The following STK10 variants were observed in gnomAD, a reference collection of about 807,000 sequenced individuals.
STK10 encodes serine/threonine-protein kinase 10.
A neutral mutation model predicts 113.8 loss-of-function variants in STK10; 78 were observed. The ratio of observed to expected loss-of-function variants is 0.69; its 90% confidence interval spans 0.57 to 0.83. STK10 has a LOEUF of 0.83. Ranked by LOEUF, STK10 falls within the 40% of genes least tolerant of loss-of-function variation. The pLI is 0.00. For missense variants in STK10, 1,109 were observed against 1,280.1 expected (o/e 0.87, Z 2.04); for synonymous variants, 465 against 494.7 (o/e 0.94, Z 0.80).
At chr5:172,155,185 G>T (rs1274102194) in intron 2 of STK10, among the ~76,000 whole-genome samples, 2 of 152,062 alleles carry the variant, frequency 1.3e-5, no homozygotes, top group Non-Finnish European at 2.9e-5. Flanking sequence ...GGCCAGTTTG[G>T]CAATAGACAT....
At chr5:172,183,247 G>A (rs1770894965) in intron 1 of STK10, among the ~76,000 whole-genome samples, 1 of 152,062 alleles carries the variant, frequency 6.6e-6, no homozygotes, top group Non-Finnish European at 1.5e-5. Flanking sequence ...ATCTCAGCCT[G>A]CTAACCCAAC....
chr5:172,097,756 GT>G (rs1316761927), intron 7 of STK10, among the ~76,000 whole-genome samples: 1 of 152,082 alleles, frequency 6.6e-6, no homozygotes, highest in Non-Finnish European at 1.5e-5. Flanking sequence ...TATGTGTTTG[GT>G]TTTAAGAAAG....
chr5:172,167,454 C>T (rs1308999774), intron 1 of STK10, among the ~76,000 whole-genome samples: 1 of 152,156 alleles, frequency 6.6e-6, no homozygotes, highest in Non-Finnish European at 1.5e-5. Context: ...AGCTAAAACA[C>T]AGCATAATGA....
intron 7 of STK10, among the ~76,000 whole-genome samples, chr5:172,097,804 T>C (rs564804981): frequency 3.3e-5 from 5 of 152,218 alleles, no homozygotes; most frequent in Non-Finnish European, 7.3e-5. Flanking sequence ...GTGTATGTTC[T>C]ATTCTAGGTT....
At chr5:172,063,086 T>TA (rs781485719) in intron 13 of STK10, among the ~76,000 whole-genome samples, 153 of 152,008 alleles carry the variant, frequency 1.0e-3, no homozygotes, top group Non-Finnish European at 1.7e-3. Context: ...CCTAACTCTA[T>TA]TAAAAATACA....
Position 172,055,669 on chromosome 5 carries a change from C to G in STK10, c.2445G>C (p.Lys815Asn). ...RLPKIQRSEG[K>N]TRMAMYKKSL... The stretch of plus-strand genomic sequence containing the variant: ...TCTTCTTGTACATGGCCATGCGCGT[C>G]TTGCCCTCACTCCTCTGGATCTTGG... The change falls in exon 16 of 19, where the codon AAG (lysine) becomes AAC (asparagine). Residue 815 changes from lysine to asparagine, a missense_variant. Around this residue, in one of 5 missense-constraint regions of STK10, gnomAD observed 885 missense variants for 991.1 expected, o/e 0.89. Coordinates refer to ENST00000176763, the MANE Select transcript of STK10 (RefSeq NM_005990.4). The G allele has an allele frequency of 6.3e-7, 1 of 1,586,436 alleles. No homozygotes were observed. The highest frequency in any genetic ancestry group is 8.6e-7 in the Non-Finnish European group (1 of 1,164,648).
intron 2 of STK10, among the ~76,000 whole-genome samples, chr5:172,137,884 T>G (rs1769898359): frequency 8.0e-6 from 1 of 125,604 alleles, no homozygotes; most frequent in African/African-American, 3.4e-5. Flanking sequence ...AGAGCGAGAC[T>G]CTGTCTCAAA....
chr5:172,101,749 A>AG (rs1768994647), intron 7 of STK10, among the ~76,000 whole-genome samples: 1 of 152,054 alleles, frequency 6.6e-6, no homozygotes, highest in Non-Finnish European at 1.5e-5. Flanking sequence ...TGGTTGGGGG[A>AG]GGCCTCACCA....
chr5:172,119,911 A>C (rs1266996201), intron 3 of STK10, among the ~76,000 whole-genome samples: 1 of 151,648 alleles, frequency 6.6e-6, no homozygotes, highest in Non-Finnish European at 1.5e-5. Context: ...TCCCTCTAGC[A>C]CAGCAAAGAG....
intron 10 of STK10, among the ~76,000 whole-genome samples, chr5:172,087,623 A>ATTTATTTTTTT (rs1462186039): frequency 1.2e-5 from 1 of 85,188 alleles, no homozygotes; most frequent in African/African-American, 5.8e-5. Context: ...TTACTTATTT[A>ATTTATTTTTTT]TTTTTTTTTT....
intron 13 of STK10, among the ~76,000 whole-genome samples, chr5:172,061,803 G>C (rs1767943402): frequency 6.6e-6 from 1 of 151,986 alleles, no homozygotes; most frequent in South Asian, 2.1e-4. Context: ...GTGTGTTTAT[G>C]GTATGGTAGT....
intron 2 of STK10, among the ~76,000 whole-genome samples, chr5:172,150,608 C>T (rs1282955329): frequency 1.3e-5 from 2 of 152,180 alleles, no homozygotes; most frequent in African/African-American, 2.4e-5. Flanking sequence ...GTCACATTCT[C>T]TTTACAGTTT....
intron 1 of STK10, among the ~76,000 whole-genome samples, chr5:172,171,174 G>A (rs2113833452): frequency 6.6e-6 from 1 of 152,146 alleles, no homozygotes; most frequent in East Asian, 1.9e-4. Flanking sequence ...AAAATATAAT[G>A]GTACAAGGAA....
rs777779106 is a variant in STK10 at position 172,117,617 on chromosome 5, G to T, written c.384C>A (p.Gly128=). 6.2e-7 allele frequency: 1 copy of T among 1,614,044 alleles called. No homozygotes were observed. The highest frequency in any genetic ancestry group is 1.1e-5 in the South Asian group (1 of 91,064). The part of the protein sequence containing the change: ...VDAIMLELDR[G]LTEPQIQVVC... ...CCACCTGTATCTGGGGCTCCGTGAG[G>T]CCTCTGTCCAGCTCTGGAAATGGAG... is the stretch of plus-strand genomic sequence containing the variant. The change falls in exon 4 of 19, where the codon GGC becomes GGA. Residue 128 remains glycine, a synonymous_variant. Coordinates refer to ENST00000176763, the MANE Select transcript of STK10 (RefSeq NM_005990.4).
intron 4 of STK10, among the ~76,000 whole-genome samples, chr5:172,109,586 C>T (rs963884310): frequency 1.2e-4 from 18 of 152,064 alleles, no homozygotes; most frequent in Non-Finnish European, 1.9e-4. Context: ...GGATTACAGG[C>T]GTGAGGCACC....
intron 7 of STK10, among the ~76,000 whole-genome samples, chr5:172,104,326 C>T (rs1365173672): frequency 6.6e-6 from 1 of 152,224 alleles, no homozygotes; most frequent in Non-Finnish European, 1.5e-5. Context: ...GTGCTGTGCA[C>T]AGCCCTCAGA....
rs6555988 is a variant in STK10 at position 172,042,829 on chromosome 5, T to C, written c.*2053A>G. 0.17 allele frequency: 26,532 copies of C among 152,254 alleles called. 4,377 individuals are homozygous for C. The highest frequency in any genetic ancestry group is 0.44 in the African/African-American group (18,289 of 41,498). The allele number at this position is 152,254 out of a possible 1,614,324, so 9.4% of individuals were successfully genotyped here. ...ACCATTGCTAGCTCCAAGAGAATCT[T>C]GACTGTGCATTTAAGATTTGGGCAG... is the stretch of plus-strand genomic sequence containing the variant. On this transcript the variant is annotated 3_prime_UTR_variant, in exon 19 of 19. Transcript: ENST00000176763.
At chr5:172,058,194 T>C (rs1486991005) in intron 14 of STK10, among the ~76,000 whole-genome samples, 2 of 152,202 alleles carry the variant, frequency 1.3e-5, no homozygotes, top group Non-Finnish European at 2.9e-5. Context: ...TTTCACTGCA[T>C]TCCTGTTCCG....
intron 10 of STK10, among the ~76,000 whole-genome samples, chr5:172,086,372 A>T (rs1437421184): frequency 1.3e-5 from 2 of 152,120 alleles, no homozygotes; most frequent in African/African-American, 2.4e-5. Context: ...GGAAATGGAA[A>T]TCCTGACTCA....
Sources: allele counts gnomAD v4.1 joint callset (sites outside exome capture counted in the v4.1 genomes callset), GRCh38; gene constraint gnomAD v4.1.1; regional missense constraint gnomAD v4.1.1; transcripts MANE v1.5; gene names NCBI Gene and HGNC (gene_info 2026-07-23, HGNC 2026-07-21).